MLN: variants seen among roughly 807,000 people sequenced by gnomAD.
The protein encoded by MLN is promotilin.
In MLN, 14 loss-of-function variants were observed where a neutral mutation model predicts 13.3. The ratio of observed to expected loss-of-function variants is 1.05; its 90% CI spans 0.69 to 1.64. The LOEUF (loss-of-function observed/expected upper bound fraction) is 1.64. MLN is among the 40% of genes most tolerant of loss of function. The pLI is 0.00. For synonymous variants in MLN, 59 were observed against 54.7 expected, an observed-to-expected ratio of 1.08 and a Z score of -0.34; for missense variants, 122 against 142.9, an observed-to-expected ratio of 0.85 and a Z score of 0.75.
Position 33,799,479 on chromosome 6 carries a change from A to ACATT in MLN, c.118-262_118-259dup, listed in dbSNP as rs1280323513. 6.6e-6 allele frequency among the ~76,000 whole-genome samples: 1 copy of ACATT among 152,170 alleles called. No homozygotes were observed. The highest frequency in any genetic ancestry group is 2.4e-5 in the African/African-American group (1 of 41,430). ...AGGAATCCATTCCTTTGTAGTTAAA[A>ACATT]CATTGCACCCAGATTGTTACTGTTA... is the stretch of plus-strand genomic sequence containing the variant. On this transcript the variant is annotated intron_variant, in intron 2 of 4. Transcript: ENST00000430124. The surrounding 1 kb of genome is among the most constrained non-coding windows in gnomAD (Gnocchi z 4.6).
chr6:33,802,005 A>G (rs1490677490), intron 1 of MLN, among the ~76,000 whole-genome samples: 1 of 151,872 alleles, frequency 6.6e-6, no homozygotes, highest in Admixed American at 6.6e-5. Context: ...GCAGGGGTGC[A>G]GAGCCTTGAG....
In MLN at chr6:33,801,077, G is replaced by A. The variant is rs767190762; in HGVS notation, c.87C>T (p.Ile29=). Reference sequence around the variant, plus strand: ...TCCTCTGGAGTTCGCCATAGGTGAAGATGGGGACGAAGGCTTCCGTCTGGG... The same window carrying A: ...TCCTCTGGAGTTCGCCATAGGTGAAAATGGGGACGAAGGCTTCCGTCTGGG... The part of the protein sequence containing the change: ...LASQTEAFVP[I]FTYGELQRMQ... The change falls in exon 2 of 5, where the codon ATC becomes ATT. Residue 29 remains isoleucine, a synonymous_variant. Transcript: ENST00000430124. 1 of 1,613,980 alleles carries A rather than the reference G, an allele frequency of 6.2e-7. No individual in the cohort carries two copies. Among genetic ancestry groups the A allele is most frequent in the South Asian group, 1.1e-5 (1 of 91,084 alleles).
intron 3 of MLN, among the ~76,000 whole-genome samples, chr6:33,795,834 C>T (rs747610343): frequency 3.2e-4 from 49 of 152,034 alleles, no homozygotes; most frequent in Non-Finnish European, 5.7e-4. Context: ...CCTTCCATAA[C>T]GGGGAAGCTG....
intron 3 of MLN, among the ~76,000 whole-genome samples, chr6:33,797,362 G>A (rs1304819422): frequency 9.2e-5 from 14 of 152,152 alleles, no homozygotes; most frequent in Admixed American, 4.6e-4. Flanking sequence ...TCCTACATGT[G>A]AGCCTCCAGC....
chr6:33,800,585 C>T lies in MLN; in HGVS notation c.117+462G>A, dbSNP rs181257828. Reference sequence around the variant, plus strand: ...GCTCCAGCCCTTGGTGATTCTCCTTCCTTGAACCTGAGCACTTAGCATCAG... The same window carrying T: ...GCTCCAGCCCTTGGTGATTCTCCTTTCTTGAACCTGAGCACTTAGCATCAG... On this transcript the variant is annotated intron_variant, in intron 2 of 4. Transcript: ENST00000430124. 3.5e-3 allele frequency among the ~76,000 whole-genome samples: 527 copies of T among 152,368 alleles called. 12 individuals carry two copies. Among genetic ancestry groups the T allele is most frequent in the East Asian group, 1.7e-3 (9 of 5,186 alleles).
chr6:33,798,137 C>T (rs1767966041), intron 3 of MLN, among the ~76,000 whole-genome samples: 2 of 152,206 alleles, frequency 1.3e-5, no homozygotes, highest in Admixed American at 6.5e-5. Context: ...TAACCCACCG[C>T]GTCTCCTTGC....
At chr6:33,802,695 G>A (rs1054848313) in intron 1 of MLN, among the ~76,000 whole-genome samples, 4 of 152,146 alleles carry the variant, frequency 2.6e-5, no homozygotes, top group African/African-American at 9.7e-5. Flanking sequence ...CCAGCTGTAT[G>A]CAAATTCCCA....
At chr6:33,795,896 A>AG (rs569164122) in intron 3 of MLN, among the ~76,000 whole-genome samples, 36 of 149,470 alleles carry the variant, frequency 2.4e-4, no homozygotes, top group African/African-American at 8.9e-4. Flanking sequence ...TCTCATGGGG[A>AG]GGGAATTCAC....
intron 1 of MLN, among the ~76,000 whole-genome samples, chr6:33,802,067 G>A (rs377254650): frequency 1.3e-3 from 200 of 152,280 alleles, no homozygotes; most frequent in African/African-American, 4.5e-3. Flanking sequence ...CCTGGGGTGG[G>A]GGTGGGATGG....
Position 33,794,682 on chromosome 6 carries a change from C to T in MLN, c.*143G>A. 1 of 876,776 alleles carries T rather than the reference C, an allele frequency of 1.1e-6. No homozygotes were observed. Among genetic ancestry groups the T allele is most frequent in the East Asian group, 2.8e-5 (1 of 36,236 alleles). The allele number at this position is 876,776 out of a possible 1,614,324, so 54.3% of individuals were successfully genotyped here. On this transcript the variant is annotated 3_prime_UTR_variant, in exon 5 of 5. Coordinates refer to ENST00000430124, the MANE Select transcript of MLN (RefSeq NM_002418.3). ...AAATAAGAGTCATTTCTGTATATTT[C>T]ATGCTTTATTTGCTGGAGGGGAATT...
intron 3 of MLN, among the ~76,000 whole-genome samples, chr6:33,797,346 G>A (rs1358721981): frequency 6.6e-6 from 1 of 152,154 alleles, no homozygotes; most frequent in African/African-American, 2.4e-5. Context: ...TCTAACCACG[G>A]ATGACTCCTA....
intron 1 of MLN, among the ~76,000 whole-genome samples, chr6:33,801,632 C>G (rs943461): frequency 0.22 from 32,969 of 152,222 alleles, 3,810 homozygotes; most frequent in Admixed American, 0.29. Flanking sequence ...CCCAGATGAC[C>G]AGGGCTCTGC....
In MLN at chr6:33,803,203, G is replaced by C. The variant is rs918800538; in HGVS notation, c.-8+750C>G. 2.0e-5 allele frequency among the ~76,000 whole-genome samples: 3 copies of C among 152,132 alleles called. No homozygotes were observed. Among genetic ancestry groups the C allele is most frequent in the African/African-American group, 7.2e-5 (3 of 41,418 alleles). ...TTCAAGTGTCCAGCTCTGCATGAAG[G>C]GGGTGACCGTCTGCCCTCCCTTGCA... On this transcript the variant is annotated intron_variant, in intron 1 of 4. Coordinates refer to ENST00000430124, the MANE Select transcript of MLN (RefSeq NM_002418.3). The surrounding 1 kb of genome is among the most constrained non-coding windows in gnomAD (Gnocchi z 4.5).
chr6:33,801,525 A>G (rs570641910), intron 1 of MLN, among the ~76,000 whole-genome samples: 28 of 152,294 alleles, frequency 1.8e-4, no homozygotes, highest in Non-Finnish European at 1.5e-5. Flanking sequence ...TCTTTCAGAG[A>G]AGGAATGCCT....
chr6:33,802,212 G>A (rs568296909), intron 1 of MLN, among the ~76,000 whole-genome samples: 3 of 152,342 alleles, frequency 2.0e-5, no homozygotes, highest in African/African-American at 4.8e-5. Flanking sequence ...GGAAGGCACA[G>A]GGGGCAGGCC....
chr6:33,796,753 CCTTA>C (rs1304880333), intron 3 of MLN, among the ~76,000 whole-genome samples: 2 of 152,206 alleles, frequency 1.3e-5, no homozygotes. Flanking sequence ...CCAGCAGGGT[CCTTA>C]CTTAACACAA....
In MLN at chr6:33,799,266, C is replaced by G; in HGVS notation, c.118-45G>C. 1 of 1,396,780 alleles carries G rather than the reference C, an allele frequency of 7.2e-7. No individual in the cohort carries two copies. 86.5% of individuals were successfully genotyped at this position (1,396,780 alleles called of 1,614,324 possible). ...TTGCACAAAACCGCCCTCCCTCAAC[C>G]CACGCTGATGGCCCCTTGCCTGTCT... is the stretch of plus-strand genomic sequence containing the variant. On this transcript the variant is annotated intron_variant, in intron 2 of 4. Coordinates refer to ENST00000430124, the MANE Select transcript of MLN (RefSeq NM_002418.3). The surrounding 1 kb of genome is among the most constrained non-coding windows in gnomAD (Gnocchi z 4.6).
chr6:33,797,453 G>C (rs1032181593), intron 3 of MLN, among the ~76,000 whole-genome samples: 1 of 152,136 alleles, frequency 6.6e-6, no homozygotes, highest in Non-Finnish European at 1.5e-5. Context: ...AGAGCATCTC[G>C]GTTTTCAGGC....
chr6:33,799,934 T>G lies in MLN; in HGVS notation c.118-713A>C, dbSNP rs1768006460. Among the ~76,000 whole-genome samples the G allele has an allele frequency of 6.6e-6, 1 of 152,184 alleles. No individual in the cohort carries two copies. The highest frequency in any genetic ancestry group is 2.1e-4 in the South Asian group (1 of 4,818). On this transcript the variant is annotated intron_variant, in intron 2 of 4. Coordinates refer to ENST00000430124, the MANE Select transcript of MLN (RefSeq NM_002418.3). The surrounding 1 kb of genome is among the most constrained non-coding windows in gnomAD (Gnocchi z 4.6). ...AATGACACTCTTGGGACTCTGCTGT[T>G]GGCCTGCCCTGAGACGTGGTGATTC...
Sources: gnomAD v4.1 joint callset for allele counts (sites outside exome capture counted in the v4.1 genomes callset) on GRCh38, gnomAD v4.1.1 for gene constraint, Gnocchi (gnomAD v3.1) non-coding constraint, MANE v1.5 for transcripts, NCBI Gene and HGNC (gene_info 2026-07-23, HGNC 2026-07-21) for gene names.